Variants in PSPC1 observed in about 807,000 individuals in gnomAD.
The protein encoded by PSPC1 is paraspeckle protein 1.
PSPC1 carries 14 observed loss-of-function variants against 51.6 expected under a neutral mutation model. The observed-to-expected ratio is 0.27, with a 90% CI of 0.18 to 0.42. PSPC1 has a LOEUF of 0.42. Ranked by LOEUF, PSPC1 falls within the 10% of genes least tolerant of loss-of-function variation. PSPC1 has a pLI of 1.00. For missense variants in PSPC1, 406 were observed against 701.1 expected, an observed-to-expected ratio of 0.58 and a Z score of 4.75; for synonymous variants, 193 against 231.9, an observed-to-expected ratio of 0.83 and a Z score of 1.53.
At position 19,751,550 on chromosome 13, in the gene PSPC1, C is replaced by G. The variant is rs1886555223; in HGVS notation, c.771-83G>C. ...TGAGAACAACAAGCACTTACAATGT[C>G]CAAGACACCGTGTGAGACACCGTGT... is the stretch of plus-strand genomic sequence containing the variant. On this transcript the variant is annotated intron_variant, in intron 3 of 8. Coordinates refer to ENST00000338910, the MANE Select transcript of PSPC1 (RefSeq NM_001354909.2). 4.1e-6 allele frequency: 4 copies of G among 972,412 alleles called. No homozygotes were observed. The African/African-American group carries it at 5.1e-5, about 12-fold the overall frequency. 60.2% of individuals were successfully genotyped at this position (972,412 alleles called of 1,614,324 possible). A position where few individuals can be genotyped will look rare whatever the true frequency, so the allele number is the denominator to read the frequency against.
chr13:19,769,353 A>AC (rs1005145166), intron 2 of PSPC1, among the ~76,000 whole-genome samples: 1 of 152,114 alleles, frequency 6.6e-6, no homozygotes, highest in Non-Finnish European at 1.5e-5. Context: ...CAGGAGATCA[A>AC]GACCATCCTG....
intron 6 of PSPC1, among the ~76,000 whole-genome samples, chr13:19,715,406 T>C (rs543384551): frequency 5.3e-5 from 8 of 152,342 alleles, no homozygotes; most frequent in Non-Finnish European, 1.0e-4. Context: ...AGAACATGGA[T>C]ATTTTTCCTT....
chr13:19,743,865 T>C (rs1207431971), intron 4 of PSPC1, among the ~76,000 whole-genome samples: 1 of 152,146 alleles, frequency 6.6e-6, no homozygotes, highest in African/African-American at 2.4e-5. Context: ...CCCAGCACTT[T>C]GGGAGGCTGA....
At chr13:19,771,633 GTT>G (rs368024756) in intron 2 of PSPC1, among the ~76,000 whole-genome samples, 1 of 144,804 alleles carries the variant, frequency 6.9e-6, no homozygotes. Context: ...ATGAGGTTTT[GTT>G]TTTTTTTTTG....
rs188187270 is a variant in PSPC1, at chr13:19,717,808, A to G, written c.1159-8209T>C. On this transcript the variant is annotated intron_variant, in intron 6 of 8. Coordinates refer to ENST00000338910, the MANE Select transcript of PSPC1 (RefSeq NM_001354909.2). ...CAGGAGAATCACTTGATCAGGAGAC[A>G]GAGTTTGCAGTGAGCTGAGATCGTG... 4.6e-3 allele frequency among the ~76,000 whole-genome samples: 701 copies of G among 151,792 alleles called. 5 individuals are homozygous for G. Among genetic ancestry groups the G allele is most frequent in the South Asian group, 0.026 (126 of 4,790 alleles).
chr13:19,773,113 T>C (rs1888772722), intron 1 of PSPC1, among the ~76,000 whole-genome samples: 1 of 151,892 alleles, frequency 6.6e-6, no homozygotes, highest in South Asian at 2.1e-4. Context: ...TGAGCTGAGA[T>C]GGCGCTACTG....
downstream of PSPC1, chr13:19,672,719 TATC>T (rs747331469): frequency 5.5e-5 from 9 of 163,954 alleles, no homozygotes; most frequent in South Asian, 1.7e-4. Flanking sequence ...TGTAGTCACT[TATC>T]ATCTTTTCAA....
intron 1 of PSPC1, among the ~76,000 whole-genome samples, chr13:19,777,409 G>A (rs1341584694): frequency 3.4e-5 from 4 of 116,220 alleles, no homozygotes; most frequent in African/African-American, 3.5e-5. Context: ...CAGCCTGGGC[G>A]ACACAGCAAG....
intron 1 of PSPC1, among the ~76,000 whole-genome samples, chr13:19,776,848 G>A (rs1343915833): frequency 3.3e-5 from 5 of 151,014 alleles, no homozygotes; most frequent in South Asian, 4.2e-4. Context: ...ATAATATGCC[G>A]GGCATGGTGG....
At chr13:19,710,994 T>C (rs1881332967) in intron 6 of PSPC1, among the ~76,000 whole-genome samples, 1 of 152,012 alleles carries the variant, frequency 6.6e-6, no homozygotes, top group Non-Finnish European at 1.5e-5. Context: ...TGCACCATCA[T>C]GCCTGGTGAA....
chr13:19,754,982 C>T (rs1453340678), intron 3 of PSPC1, among the ~76,000 whole-genome samples: 1 of 152,036 alleles, frequency 6.6e-6, no homozygotes, highest in East Asian at 1.9e-4. Flanking sequence ...CCTGTAAACC[C>T]AACACTTTGA....
intron 2 of PSPC1, among the ~76,000 whole-genome samples, chr13:19,762,453 G>A (rs533676202): frequency 1.1e-3 from 167 of 152,278 alleles, no homozygotes; most frequent in African/African-American, 3.7e-3. Context: ...CCAGCTACTC[G>A]GGAGGCTGAG....
intron 4 of PSPC1, among the ~76,000 whole-genome samples, chr13:19,748,986 G>T (rs984819730): frequency 6.6e-6 from 1 of 151,894 alleles, no homozygotes; most frequent in Non-Finnish European, 1.5e-5. Flanking sequence ...AAGGTGGGTA[G>T]ATCACTCGAG....
chr13:19,691,818 T>A (rs533067954), intron 6 of PSPC1, among the ~76,000 whole-genome samples: 1 of 152,026 alleles, frequency 6.6e-6, no homozygotes, highest in African/African-American at 2.4e-5. Context: ...CTCAGAAGGC[T>A]GAGGCAGGAC....
chr13:19,706,080 C>CTG (rs1880619313), intron 7 of PSPC1, among the ~76,000 whole-genome samples: 1 of 152,162 alleles, frequency 6.6e-6, no homozygotes, highest in African/African-American at 2.4e-5. Context: ...GCATTTGAGA[C>CTG]TAACAGTTTG....
chr13:19,722,980 G>A (rs1465820705), intron 6 of PSPC1, among the ~76,000 whole-genome samples: 7 of 151,868 alleles, frequency 4.6e-5, no homozygotes, highest in Non-Finnish European at 1.0e-4. Context: ...ATGTAGTGGC[G>A]AGCACCTGTA....
At chr13:19,708,956 A>G (rs927344071) in intron 7 of PSPC1, among the ~76,000 whole-genome samples, 2 of 152,114 alleles carry the variant, frequency 1.3e-5, no homozygotes, top group African/African-American at 4.8e-5. Flanking sequence ...TGAGCCCAGG[A>G]GTTCGAGACC....
chr13:19,754,447 T>C (rs1566031658), intron 3 of PSPC1, among the ~76,000 whole-genome samples: 4 of 128,224 alleles, frequency 3.1e-5, no homozygotes, highest in African/African-American at 8.0e-5. Context: ...GGAATATAAC[T>C]AACTCCTTTT....
At chr13:19,773,670 G>A (rs1320115058) in intron 1 of PSPC1, among the ~76,000 whole-genome samples, 1 of 151,576 alleles carries the variant, frequency 6.6e-6, no homozygotes, top group African/African-American at 2.4e-5. Flanking sequence ...AGGGGAGGGA[G>A]GTGTCTGAGA....
Sources: gnomAD v4.1 joint callset for allele counts (sites outside exome capture counted in the v4.1 genomes callset) on GRCh38, gnomAD v4.1.1 for gene constraint, MANE v1.5 for transcripts, NCBI Gene and HGNC (gene_info 2026-07-23, HGNC 2026-07-21) for gene names.